The following CTBP2 variants were observed in gnomAD, a reference collection of about 807,000 sequenced individuals.
CTBP2 encodes C-terminal binding protein 2.
Under a neutral mutation model 80.3 loss-of-function variants are expected in CTBP2, and 30 were observed. That is an observed-to-expected ratio of 0.37 (90% confidence interval 0.28 to 0.51). The LOEUF is 0.51. Ranked by LOEUF, CTBP2 falls within the 20% of genes least tolerant of loss-of-function variation. CTBP2 has a pLI of 0.93. For synonymous variants in CTBP2, 594 were observed against 587.4 expected (o/e 1.01, Z -0.16); for missense variants, 1,212 against 1,375.3 (o/e 0.88, Z 1.88).
At chr10:124,995,465 C>T (rs1398621774) in intron 4 of CTBP2, among the ~76,000 whole-genome samples, 3 of 152,184 alleles carry the variant, frequency 2.0e-5, no homozygotes, top group African/African-American at 2.4e-5. Flanking sequence ...TGTTGATGCT[C>T]GACTGGTTCT....
intron 1 of CTBP2, among the ~76,000 whole-genome samples, chr10:125,123,653 T>G (rs1356478812): frequency 6.6e-6 from 1 of 152,200 alleles, no homozygotes; most frequent in African/African-American, 2.4e-5. Context: ...GCTTACGCAC[T>G]CAACTGGGAT....
In CTBP2 at chr10:125,027,693, C is replaced by G; in HGVS notation, c.67G>C (p.Glu23Gln). 6.2e-7 allele frequency: 1 copy of G among 1,613,772 alleles called. No homozygotes were observed. The highest frequency in any genetic ancestry group is 8.5e-7 in the Non-Finnish European group (1 of 1,179,920). Residue 23 changes from glutamate (E) to glutamine (Q), a missense_variant, in exon 1 of 9, where the codon GAG becomes CAG. Around this residue, in one of 3 missense-constraint regions of CTBP2, gnomAD observed 848 missense variants for 782.3 expected, o/e 1.08. Transcript: ENST00000309035. ...GACTCGGCGTTCTCCCAGGGGCCCT[C>G]GTACCACCCAGCAGCATCCCAGCTC...
rs1390430373 is a variant in CTBP2, at chr10:124,987,165, T to C, written c.*2353A>G. ...AATGCTATATTATGCTCTTGAACTA[T>C]TAAAACAGCCATAATTATTGTCCCA... On this transcript the variant is annotated 3_prime_UTR_variant, in exon 9 of 9. Transcript: ENST00000309035. 2.0e-5 allele frequency: 3 copies of C among 151,900 alleles called. No homozygotes were observed. Among genetic ancestry groups the C allele is most frequent in the Non-Finnish European group, 4.4e-5 (3 of 67,924 alleles). 9.4% of individuals were successfully genotyped at this position (151,900 alleles called of 1,614,324 possible).
At chr10:125,126,857 C>A (rs1855348892) in intron 1 of CTBP2, among the ~76,000 whole-genome samples, 1 of 152,130 alleles carries the variant, frequency 6.6e-6, no homozygotes, top group South Asian at 2.1e-4. Flanking sequence ...ATGGTCAAAG[C>A]CTATAGCCCA....
chr10:125,040,994 G>C (rs1959574166), intron 2 of CTBP2, among the ~76,000 whole-genome samples: 1 of 152,240 alleles, frequency 6.6e-6, no homozygotes, highest in African/African-American at 2.4e-5. Flanking sequence ...TATCGGATCA[G>C]TCAGGAGATG....
In CTBP2 at chr10:125,026,525, TGA is replaced by T; in HGVS notation, c.1233_1234del (p.Gln412AlafsTer53). On this transcript the variant is annotated frameshift_variant, in exon 1 of 9. Coordinates refer to ENST00000309035, the MANE Select transcript of CTBP2 (RefSeq NM_022802.3). LOFTEE classifies it high-confidence loss of function. ...GGTGGCTGCCGTCTCCAGGAGGTGC[TGA>T]GATGGTGCGCTGGAGGGACGGCGAG... 1 of 1,594,386 alleles carries T rather than the reference TGA, an allele frequency of 6.3e-7. No homozygotes were observed.
At chr10:125,013,193 C>T (rs191780658) in intron 1 of CTBP2, among the ~76,000 whole-genome samples, 5 of 152,292 alleles carry the variant, frequency 3.3e-5, no homozygotes, top group Admixed American at 6.5e-5. Flanking sequence ...GGAAAGACCA[C>T]CAAGAATGCC....
rs1564739677 is a variant in CTBP2 at position 125,026,588 on chromosome 10, G to GCCGCAGGCTGGGGCTGCA, written c.1171_1172insTGCAGCCCCAGCCTGCGG (p.Pro391delinsLeuGlnProGlnProAlaAla). ...AGCTCGGGGGGATGCTGTCTGCAGA[G>GCCGCAGGCTGGGGCTGCA]GAGCCGCAGCGCCCAGAGAAGCCAA... On this transcript the variant is annotated protein_altering_variant, in exon 1 of 9. Coordinates refer to ENST00000309035, the MANE Select transcript of CTBP2 (RefSeq NM_022802.3). The GCCGCAGGCTGGGGCTGCA allele has an allele frequency of 3.3e-6, 5 of 1,528,614 alleles. No individual in the cohort carries two copies. The Admixed American group carries it at 1.1e-4, about 33-fold the overall frequency. The allele number at this position is 1,528,614 out of a possible 1,614,324, so 94.7% of individuals were successfully genotyped here.
chr10:125,008,090 G>A (rs1955460072), intron 1 of CTBP2, among the ~76,000 whole-genome samples: 1 of 152,122 alleles, frequency 6.6e-6, no homozygotes, highest in South Asian at 2.1e-4. Context: ...GAGACTACAG[G>A]CATGTGCCAC....
intron 1 of CTBP2, among the ~76,000 whole-genome samples, chr10:125,137,235 T>A (rs1013732477): frequency 1.2e-4 from 19 of 152,232 alleles, no homozygotes; most frequent in African/African-American, 4.3e-4. Context: ...GTCACCAGTT[T>A]GCTAGGACGT....
chr10:125,124,459 C>CAAT (rs10673590), intron 1 of CTBP2, among the ~76,000 whole-genome samples: 60,287 of 151,878 alleles, frequency 0.4, 12,587 homozygotes, highest in East Asian at 0.54. Context: ...CTGTCAGCAA[C>CAAT]AATAAAAGTA....
chr10:125,081,894 T>C (rs1847227007), intron 2 of CTBP2, among the ~76,000 whole-genome samples: 1 of 151,928 alleles, frequency 6.6e-6, no homozygotes, highest in African/African-American at 2.4e-5. Context: ...CTTCTGTCTC[T>C]GCTGTTGGCT....
At chr10:125,107,587 A>G (rs1430867148) in intron 2 of CTBP2, among the ~76,000 whole-genome samples, 1 of 152,240 alleles carries the variant, frequency 6.6e-6, no homozygotes, top group Non-Finnish European at 1.5e-5. Context: ...TAGAGGACCA[A>G]TGATCAGGAA....
At chr10:125,072,634 GAAAAAAAAAAA>G (rs55742060) in intron 2 of CTBP2, among the ~76,000 whole-genome samples, 3 of 100,142 alleles carry the variant, frequency 3.0e-5, no homozygotes, top group African/African-American at 7.9e-5. Context: ...AAAAAGAAAA[GAAAAAAAAAAA>G]AAAAAAAAAA....
At chr10:125,056,791 C>A (rs760103816) in intron 2 of CTBP2, among the ~76,000 whole-genome samples, 1 of 152,240 alleles carries the variant, frequency 6.6e-6, no homozygotes, top group Non-Finnish European at 1.5e-5. Context: ...AACCCCATCA[C>A]GGGCAGCAAT....
chr10:125,062,441 A>G (rs1965152900), intron 2 of CTBP2, among the ~76,000 whole-genome samples: 1 of 111,376 alleles, frequency 9.0e-6, no homozygotes, highest in African/African-American at 5.1e-5. Flanking sequence ...AAGCTCTAAC[A>G]CTGTAACGTG....
At chr10:125,156,831 G>C (rs999633252) in intron 1 of CTBP2, among the ~76,000 whole-genome samples, 37 of 152,316 alleles carry the variant, frequency 2.4e-4, no homozygotes, top group African/African-American at 8.2e-4. Flanking sequence ...AATTTCTGGA[G>C]TTTTAAAAGT....
intron 1 of CTBP2, among the ~76,000 whole-genome samples, chr10:125,012,522 C>T (rs1052868676): frequency 9.8e-5 from 15 of 152,310 alleles, no homozygotes; most frequent in Middle Eastern, 3.4e-3. Flanking sequence ...AGGTCAGATG[C>T]GCCCTGGGGT....
At chr10:125,131,408 G>A (rs11245513) in intron 1 of CTBP2, among the ~76,000 whole-genome samples, 37,079 of 152,054 alleles carry the variant, frequency 0.24, 4,562 homozygotes, top group African/African-American at 0.3. Context: ...GTAGGTGTGA[G>A]GCCCCCAAAC....
Sources: allele counts gnomAD v4.1 joint callset (sites outside exome capture counted in the v4.1 genomes callset), GRCh38; gene constraint gnomAD v4.1.1; regional missense constraint gnomAD v4.1.1; transcripts MANE v1.5; gene names NCBI Gene and HGNC (gene_info 2026-07-23, HGNC 2026-07-21).